The following LRMDA variants were observed in gnomAD, a reference collection of about 807,000 sequenced individuals.
LRMDA encodes the protein leucine rich melanocyte differentiation associated.
A neutral mutation model predicts 29.8 loss-of-function variants in LRMDA; 18 were observed. The observed-to-expected ratio is 0.60, with a 90% CI of 0.42 to 0.90. The LOEUF is 0.90. LRMDA is among the 40% of genes least tolerant of loss of function. The pLI, the probability that LRMDA is intolerant of heterozygous loss-of-function variation, is 0.00. For missense variants in LRMDA, 273 were observed against 273.9 expected (o/e 1.00, Z 0.02); for synonymous variants, 125 against 109.4 (o/e 1.14, Z -0.89).
chr10:75,687,640 A>G (rs1213574545), intron 2 of LRMDA, among the ~76,000 whole-genome samples: 1 of 152,240 alleles, frequency 6.6e-6, no homozygotes, highest in Non-Finnish European at 1.5e-5. Context: ...TCTGGCTAAG[A>G]TCATTGATGA....
chr10:75,867,885 T>G (rs1845046704), intron 2 of LRMDA, among the ~76,000 whole-genome samples: 2 of 152,184 alleles, frequency 1.3e-5, no homozygotes, highest in Admixed American at 1.3e-4. Context: ...TCAAGTCTGC[T>G]GTAGTGTAAA....
At chr10:76,004,921 G>T (rs1290185264) in intron 2 of LRMDA, among the ~76,000 whole-genome samples, 1 of 151,974 alleles carries the variant, frequency 6.6e-6, no homozygotes, top group Non-Finnish European at 1.5e-5. Flanking sequence ...TAGAGGCAGG[G>T]TTTCACCTTG....
At chr10:75,960,398 A>G (rs1846744048) in intron 2 of LRMDA, among the ~76,000 whole-genome samples, 1 of 152,206 alleles carries the variant, frequency 6.6e-6, no homozygotes. Context: ...AGGAAAGAAA[A>G]GAGCTTAGGA....
intron 5 of LRMDA, among the ~76,000 whole-genome samples, chr10:76,237,578 T>C (rs1315810534): frequency 6.6e-6 from 1 of 152,184 alleles, no homozygotes; most frequent in African/African-American, 2.4e-5. Context: ...CTTGGAATGT[T>C]GAACCTTTCT....
intron 6 of LRMDA, among the ~76,000 whole-genome samples, chr10:76,343,510 A>T (rs1246760486): frequency 6.6e-6 from 1 of 152,216 alleles, no homozygotes; most frequent in Non-Finnish European, 1.5e-5. Flanking sequence ...AGATCTGATG[A>T]TGAAACCCAT....
At chr10:75,561,977 T>G (rs1283722635) in intron 2 of LRMDA, among the ~76,000 whole-genome samples, 2 of 152,040 alleles carry the variant, frequency 1.3e-5, no homozygotes, top group African/African-American at 4.8e-5. Context: ...GGAATAGGTG[T>G]GGTGTGGTGC....
intron 5 of LRMDA, among the ~76,000 whole-genome samples, chr10:76,162,005 G>T (rs1457721950): frequency 6.6e-6 from 1 of 152,046 alleles, no homozygotes; most frequent in Non-Finnish European, 1.5e-5. Flanking sequence ...CTGTAACTTT[G>T]ACTTTACTTC....
At chr10:76,215,015 C>G (rs1204802152) in intron 5 of LRMDA, among the ~76,000 whole-genome samples, 1 of 152,192 alleles carries the variant, frequency 6.6e-6, no homozygotes, top group Non-Finnish European at 1.5e-5. Context: ...TTCTTACAAC[C>G]TGCCTGTTGT....
At chr10:76,482,167 C>T (rs147946185) in intron 6 of LRMDA, among the ~76,000 whole-genome samples, 2 of 152,056 alleles carry the variant, frequency 1.3e-5, no homozygotes, top group East Asian at 3.9e-4. Context: ...TCTCTCTTGC[C>T]ACCCATTTTA....
chr10:76,225,720 A>ATTTATTTATTTATTTAT (rs1159719369), intron 5 of LRMDA, among the ~76,000 whole-genome samples: 5 of 143,190 alleles, frequency 3.5e-5, no homozygotes, highest in African/African-American at 1.3e-4. Flanking sequence ...TTATTTATTT[A>ATTTATTTATTTATTTAT]TTATTATATA....
chr10:76,491,900 C>T (rs1432377462), intron 6 of LRMDA, among the ~76,000 whole-genome samples: 1 of 151,828 alleles, frequency 6.6e-6, no homozygotes, highest in Non-Finnish European at 1.5e-5. Flanking sequence ...TTTATATTCT[C>T]TGACTGTATA....
chr10:76,419,040 C>G (rs1589175641), intron 6 of LRMDA, among the ~76,000 whole-genome samples: 1 of 152,064 alleles, frequency 6.6e-6, no homozygotes, highest in Admixed American at 6.6e-5. Context: ...GCATCTCACA[C>G]CAAAGTGGTA....
intron 6 of LRMDA, among the ~76,000 whole-genome samples, chr10:76,340,085 T>C (rs926670219): frequency 2.0e-5 from 3 of 152,126 alleles, no homozygotes; most frequent in Admixed American, 6.5e-5. Context: ...ATTTAAAAAA[T>C]AGTACTTCCT....
chr10:76,049,865 G>A lies in LRMDA; in HGVS notation c.398+2562G>A, dbSNP rs913264508. On this transcript the variant is annotated intron_variant, in intron 4 of 6. Coordinates refer to ENST00000611255, the MANE Select transcript of LRMDA (RefSeq NM_001305581.2). Reference sequence around the variant, plus strand: ...TAGTAGAGCCTCTATGTAAATTTATGTGACGTTTTCACTAGAAAATTGCTT... The same window carrying A: ...TAGTAGAGCCTCTATGTAAATTTATATGACGTTTTCACTAGAAAATTGCTT... Among the ~76,000 whole-genome samples, 5 of 152,124 alleles carry A rather than the reference G, an allele frequency of 3.3e-5. No individual in the cohort carries two copies. The South Asian group carries it at 8.3e-4, about 25-fold the overall frequency.
Position 76,559,450 on chromosome 10 carries a change from G to A in LRMDA, c.*2162G>A, listed in dbSNP as rs1301422831. 6.6e-6 allele frequency: 1 copy of A among 152,030 alleles called. No individual in the cohort carries two copies. The highest frequency in any genetic ancestry group is 2.4e-5 in the African/African-American group (1 of 41,390). The allele number at this position is 152,030 out of a possible 1,614,324, so 9.4% of individuals were successfully genotyped here. ...AGCTTTAATTATAAATTACCTAAAGGCCATCACTAAGGTATATTCATCTTA... is the reference window on the plus strand; with the variant it reads ...AGCTTTAATTATAAATTACCTAAAGACCATCACTAAGGTATATTCATCTTA... On this transcript the variant is annotated 3_prime_UTR_variant, in exon 7 of 7. Coordinates refer to ENST00000611255, the MANE Select transcript of LRMDA (RefSeq NM_001305581.2).
chr10:75,700,192 T>G (rs1034387356), intron 2 of LRMDA, among the ~76,000 whole-genome samples: 1 of 152,110 alleles, frequency 6.6e-6, no homozygotes, highest in African/African-American at 2.4e-5. Flanking sequence ...AAGTGACTTT[T>G]GAGCTATGAT....
chr10:76,084,963 C>G (rs923612023), intron 5 of LRMDA, among the ~76,000 whole-genome samples: 1 of 152,158 alleles, frequency 6.6e-6, no homozygotes, highest in Non-Finnish European at 1.5e-5. Context: ...AGGAACTCAG[C>G]ACAAGCTCTT....
intron 2 of LRMDA, among the ~76,000 whole-genome samples, chr10:75,494,515 CTT>C (rs34902194): frequency 0.011 from 1,084 of 102,840 alleles, 3 homozygotes; most frequent in African/African-American, 0.03. Flanking sequence ...ATGTTTGTTC[CTT>C]TTTTTTTTTT....
chr10:76,451,407 G>A (rs1177866660), intron 6 of LRMDA, among the ~76,000 whole-genome samples: 6 of 151,664 alleles, frequency 4.0e-5, no homozygotes, highest in African/African-American at 1.2e-4. Flanking sequence ...GGGTTTCACC[G>A]TGTTTGCCAG....
Sources: allele counts gnomAD v4.1 joint callset (sites outside exome capture counted in the v4.1 genomes callset), GRCh38; gene constraint gnomAD v4.1.1; transcripts MANE v1.5; gene names NCBI Gene and HGNC (gene_info 2026-07-23, HGNC 2026-07-21).